The following GC variants were observed in gnomAD, a reference collection of about 807,000 sequenced individuals.
GC encodes GC vitamin D binding protein, also known as vitamin D-binding protein.
GC carries 43 observed loss-of-function variants against 56.7 expected under a neutral mutation model. The observed-to-expected ratio is 0.76, with a 90% CI of 0.59 to 0.98. The LOEUF (loss-of-function observed/expected upper bound fraction) is 0.98. Among genes scored for constraint, GC ranks in the 50% least tolerant of loss-of-function variants. The pLI, the probability that GC is intolerant of heterozygous loss-of-function variation, is 0.00. For missense variants in GC, 529 were observed against 545.9 expected (o/e 0.97, Z 0.31); for synonymous variants, 216 against 202.7 (o/e 1.07, Z -0.56).
At chr4:71,804,300 CAT>C (rs1311044541), upstream of GC, among the ~76,000 whole-genome samples, 4 of 152,266 alleles carry the variant, frequency 2.6e-5, no homozygotes, top group African/African-American at 9.6e-5. Flanking sequence ...TCAATACAGA[CAT>C]AATGCTGAAA....
chr4:71,773,277 C>G lies in GC; in HGVS notation c.59-3877G>C, dbSNP rs115818998. Among the ~76,000 whole-genome samples the G allele has an allele frequency of 2.3e-3, 354 of 152,160 alleles. 1 individual carries two copies. The highest frequency in any genetic ancestry group is 8.1e-3 in the African/African-American group (336 of 41,558). On this transcript the variant is annotated intron_variant, in intron 1 of 12. Transcript: ENST00000273951. ...ATTTCACTAACAGAATTTTTGCTTTCTGCAATAGCATGTTTCACTTTTTAT... is the reference window on the plus strand; with the variant it reads ...ATTTCACTAACAGAATTTTTGCTTTGTGCAATAGCATGTTTCACTTTTTAT...
At chr4:71,779,618 T>G (rs1742613550) in intron 1 of GC, among the ~76,000 whole-genome samples, 1 of 151,848 alleles carries the variant, frequency 6.6e-6, no homozygotes, top group South Asian at 2.1e-4. Context: ...CCAAAAATAC[T>G]GGGGAAGGGC....
chr4:71,762,073 G>C (rs558469110), intron 6 of GC, among the ~76,000 whole-genome samples: 10 of 152,304 alleles, frequency 6.6e-5, no homozygotes, highest in African/African-American at 2.2e-4. Flanking sequence ...CTTGCACTGT[G>C]CACCTGGAAA....
chr4:71,787,534 C>T (rs1578319307), upstream of GC, among the ~76,000 whole-genome samples: 1 of 151,868 alleles, frequency 6.6e-6, no homozygotes, highest in South Asian at 2.1e-4. Flanking sequence ...ATCTACATGG[C>T]TCTTCCCCTC....
At chr4:71,799,903 G>A (rs1247652987) in intron 1 of GC, among the ~76,000 whole-genome samples, 1 of 152,104 alleles carries the variant, frequency 6.6e-6, no homozygotes, top group Admixed American at 6.6e-5. Context: ...AGCCCTCCTG[G>A]GGTCAGAACA....
chr4:71,746,039 AG>A, intron 12 of GC, 111 bp downstream of exon 12: 1 of 626,114 alleles, frequency 1.6e-6, no homozygotes. Context: ...CTGTAAAATG[AG>A]TTTGAACAGA....
At chr4:71,783,320 C>G (rs1345856985) in intron 1 of GC, among the ~76,000 whole-genome samples, 1 of 151,698 alleles carries the variant, frequency 6.6e-6, no homozygotes, top group Non-Finnish European at 1.5e-5. Context: ...TAATCTCAGT[C>G]TTTATCATGT....
chr4:71,803,762 C>T (rs1158336695), intron 1 of GC, among the ~76,000 whole-genome samples: 1 of 152,136 alleles, frequency 6.6e-6, no homozygotes, highest in African/African-American at 2.4e-5. Flanking sequence ...ATCAATATTC[C>T]TTGACAATCG....
intron 12 of GC, 47 bp downstream of exon 12, chr4:71,746,104 C>T: frequency 2.7e-6 from 2 of 753,004 alleles, no homozygotes; most frequent in South Asian, 1.5e-5. Context: ...TAAAATACAT[C>T]CTACAATGCT....
rs1742047908 is a variant in GC, at chr4:71,763,395, A to G, written c.701+13T>C. ...CCAAACATCTAAATATGACAATAGC[A>G]CTTAATCTTTACCTGAGCCTTGATT... is the stretch of plus-strand genomic sequence containing the variant. On this transcript the variant is annotated intron_variant, in intron 6 of 12. Coordinates refer to ENST00000273951, the MANE Select transcript of GC (RefSeq NM_000583.4). The G allele has an allele frequency of 1.4e-6, 2 of 1,393,906 alleles. No individual in the cohort carries two copies. The highest frequency in any genetic ancestry group is 1.0e-6 in the Non-Finnish European group (1 of 981,494). The allele number at this position is 1,393,906 out of a possible 1,614,324, so 86.3% of individuals were successfully genotyped here.
In GC at chr4:71,784,003, C is replaced by T; in HGVS notation, c.16G>A (p.Val6Ile). The change falls in exon 1 of 13, where the codon GTA becomes ATA. Residue 6 changes from valine to isoleucine, a missense_variant. Val to Ile is a conservative substitution (Grantham distance 29, BLOSUM62 3). Transcript: ENST00000273951. ...CCAAATGCCACAGCAAGCAGTAGTA[C>T]CAGGACCCTCTTCATTTTTCTACCA... MKRVL[V>I]LLLAVAFGHA... The T allele has an allele frequency of 6.2e-7, 1 of 1,603,728 alleles. No individual in the cohort carries two copies. The highest frequency in any genetic ancestry group is 1.1e-5 in the South Asian group (1 of 89,402).
At position 71,766,423 on chromosome 4, in the gene GC, T is replaced by C. The variant is rs575050446; in HGVS notation, c.262-780A>G. On this transcript the variant is annotated intron_variant, in intron 3 of 12. Coordinates refer to ENST00000273951, the MANE Select transcript of GC (RefSeq NM_000583.4). ...AGCAGACTAAGCACCATCAAAACAATCGTAGCATCAAAATGTTCTTTTTGG... is the reference window on the plus strand; with the variant it reads ...AGCAGACTAAGCACCATCAAAACAACCGTAGCATCAAAATGTTCTTTTTGG... Among the ~76,000 whole-genome samples, 4 of 152,046 alleles carry C rather than the reference T, an allele frequency of 2.6e-5. No homozygotes were observed. In the South Asian group the frequency reaches 8.3e-4, roughly 32 times the overall value.
At chr4:71,797,370 G>A (rs1021411554) in intron 1 of GC, among the ~76,000 whole-genome samples, 1 of 152,210 alleles carries the variant, frequency 6.6e-6, no homozygotes, top group Admixed American at 6.5e-5. Context: ...CAGACACTTT[G>A]TTTACCTACT....
At chr4:71,800,796 C>T (rs1328172489) in intron 1 of GC, among the ~76,000 whole-genome samples, 2 of 152,150 alleles carry the variant, frequency 1.3e-5, no homozygotes, top group Non-Finnish European at 2.9e-5. Flanking sequence ...GATGGTATCT[C>T]ATTGTGATTT....
chr4:71,767,610 T>TAA (rs568382770), intron 3 of GC, among the ~76,000 whole-genome samples: 2 of 147,230 alleles, frequency 1.4e-5, no homozygotes, highest in African/African-American at 5.0e-5. Flanking sequence ...CATGAGCTGA[T>TAA]ATATATATAT....
chr4:71,800,381 A>G (rs1407526146), intron 1 of GC, among the ~76,000 whole-genome samples: 1 of 152,176 alleles, frequency 6.6e-6, no homozygotes, highest in Non-Finnish European at 1.5e-5. Flanking sequence ...GGCTTCCAGC[A>G]TCATACATGT....
At chr4:71,773,560 G>A (rs1052162180) in intron 1 of GC, among the ~76,000 whole-genome samples, 5 of 152,034 alleles carry the variant, frequency 3.3e-5, no homozygotes, top group Non-Finnish European at 7.4e-5. Flanking sequence ...TTGTAATGGG[G>A]ATAGCTAATA....
intron 3 of GC, among the ~76,000 whole-genome samples, chr4:71,767,149 A>C (rs116480775): frequency 1.3e-5 from 2 of 152,178 alleles, no homozygotes; most frequent in African/African-American, 4.8e-5. Context: ...GATAAGGGAC[A>C]GGTAAAGCAA....
chr4:71,779,317 T>G (rs1742602224), intron 1 of GC, among the ~76,000 whole-genome samples: 2 of 151,636 alleles, frequency 1.3e-5, no homozygotes, highest in Non-Finnish European at 2.9e-5. Flanking sequence ...TAAATCCAAA[T>G]AAGGGGATAG....
Sources: allele counts gnomAD v4.1 joint callset (sites outside exome capture counted in the v4.1 genomes callset), GRCh38; gene constraint gnomAD v4.1.1; transcripts MANE v1.5; gene names NCBI Gene and HGNC (gene_info 2026-07-23, HGNC 2026-07-21).